Variants in NOX4 observed in about 807,000 individuals in gnomAD.
The protein encoded by NOX4 is NADPH oxidase 4, also known as kidney oxidase-1.
In NOX4, 69 loss-of-function variants were observed where a neutral mutation model predicts 87.6. That is an observed-to-expected ratio of 0.79 (90% CI 0.65 to 0.96). The LOEUF (loss-of-function observed/expected upper bound fraction) is 0.96, where lower values mean the gene tolerates loss of function less well. Ranked by LOEUF, NOX4 falls within the 40% of genes least tolerant of loss-of-function variation. The pLI is 0.00. For missense variants in NOX4, 680 were observed against 681.5 expected (o/e 1.00, Z 0.02); for synonymous variants, 275 against 238.2 (o/e 1.15, Z -1.42).
intron 11 of NOX4, among the ~76,000 whole-genome samples, chr11:89,396,324 G>C (rs1035865925): frequency 6.6e-6 from 1 of 152,094 alleles, no homozygotes; most frequent in African/African-American, 2.4e-5. Flanking sequence ...TTGGTGTATA[G>C]GAATGTTTAT....
intron 12 of NOX4, among the ~76,000 whole-genome samples, chr11:89,366,931 A>T (rs1939045980): frequency 1.3e-5 from 2 of 152,090 alleles, no homozygotes; most frequent in Admixed American, 1.3e-4. Flanking sequence ...ACCAAGGGAA[A>T]AACAATTTAT....
chr11:89,461,419 C>T (rs554568586), intron 2 of NOX4, among the ~76,000 whole-genome samples: 16 of 151,854 alleles, frequency 1.1e-4, no homozygotes, highest in Non-Finnish European at 2.1e-4. Context: ...CTAAGGCTGG[C>T]GGATCATGAG....
At chr11:89,481,567 A>T (rs534662011) in intron 2 of NOX4, among the ~76,000 whole-genome samples, 1 of 152,222 alleles carries the variant, frequency 6.6e-6, no homozygotes, top group Non-Finnish European at 1.5e-5. Context: ...TCATATCCAT[A>T]TGGCTCCAAA....
the NOX4 span, chr11:89,577,681 T>A: frequency 6.6e-6 from 1 of 152,216 alleles, no homozygotes; most frequent in African/African-American, 2.4e-5. Context: ...AACTTTTTTC[T>A]ATTCTGCAAC....
chr11:89,336,592 G>A (rs1233404273), intron 16 of NOX4, among the ~76,000 whole-genome samples: 1 of 152,008 alleles, frequency 6.6e-6, no homozygotes, highest in African/African-American at 2.4e-5. Flanking sequence ...AATGTGAAGA[G>A]TCAGAGTGAA....
At chr11:89,380,828 A>G (rs1438234461) in intron 11 of NOX4, among the ~76,000 whole-genome samples, 1 of 152,160 alleles carries the variant, frequency 6.6e-6, no homozygotes, top group Non-Finnish European at 1.5e-5. Context: ...TATGGTTAAG[A>G]TAACATTGTC....
chr11:89,568,578 A>C, the NOX4 span, among the ~76,000 whole-genome samples: 3 of 152,240 alleles, frequency 2.0e-5, no homozygotes, highest in African/African-American at 7.2e-5. Context: ...TGTAGGAAGA[A>C]TCAATATTGT....
intron 6 of NOX4, among the ~76,000 whole-genome samples, chr11:89,433,433 C>A (rs190360624): frequency 6.6e-6 from 1 of 152,072 alleles, no homozygotes; most frequent in Admixed American, 6.6e-5. Context: ...TGCAACAGGA[C>A]AGGGTTAACT....
chr11:89,383,928 T>C (rs559459307), intron 11 of NOX4, among the ~76,000 whole-genome samples: 1 of 151,954 alleles, frequency 6.6e-6, no homozygotes. Context: ...CCCCTTACCA[T>C]CCCATTAAAA....
At chr11:89,583,352 G>A in the NOX4 span, among the ~76,000 whole-genome samples, 22 of 152,258 alleles carry the variant, frequency 1.4e-4, no homozygotes, top group African/African-American at 5.3e-4. Flanking sequence ...GACTGTCAGT[G>A]TTGGAAGAGA....
At chr11:89,393,468 G>A (rs1045702203) in intron 11 of NOX4, among the ~76,000 whole-genome samples, 9 of 151,842 alleles carry the variant, frequency 5.9e-5, no homozygotes, top group African/African-American at 1.9e-4. Context: ...TCACCCACAC[G>A]ACAGATTTTC....
the NOX4 span, chr11:89,545,362 A>C: frequency 6.6e-6 from 1 of 152,180 alleles, no homozygotes; most frequent in Non-Finnish European, 1.5e-5. Flanking sequence ...TCTGGTTTTT[A>C]ATTTAGAAAC....
chr11:89,383,381 C>T (rs541043405), intron 11 of NOX4, among the ~76,000 whole-genome samples: 8 of 152,326 alleles, frequency 5.3e-5, no homozygotes, highest in African/African-American at 1.9e-4. Context: ...GCAGCTACTC[C>T]CAGAGCCCCT....
chr11:89,571,732 G>A, the NOX4 span, among the ~76,000 whole-genome samples: 8 of 148,976 alleles, frequency 5.4e-5, no homozygotes, highest in South Asian at 2.1e-4. Flanking sequence ...AAATTACTAA[G>A]CCAAGGGAAA....
At chr11:89,462,506 A>G (rs1007441844) in intron 2 of NOX4, among the ~76,000 whole-genome samples, 5 of 152,114 alleles carry the variant, frequency 3.3e-5, no homozygotes, top group Non-Finnish European at 7.4e-5. Flanking sequence ...TTGTGTATAG[A>G]TAGATAAACT....
intron 12 of NOX4, among the ~76,000 whole-genome samples, chr11:89,365,058 T>C (rs1256714280): frequency 6.6e-6 from 1 of 152,204 alleles, no homozygotes; most frequent in East Asian, 1.9e-4. Context: ...CCTCCCTCCT[T>C]TTACTTTCTT....
chr11:89,455,513 T>A (rs1227724230), intron 2 of NOX4, among the ~76,000 whole-genome samples: 3 of 152,096 alleles, frequency 2.0e-5, no homozygotes, highest in Non-Finnish European at 4.4e-5. Context: ...TTGAGCTGAA[T>A]TTTTAAACAC....
chr11:89,403,811 A>G (rs1207282552), intron 8 of NOX4, among the ~76,000 whole-genome samples: 1 of 152,188 alleles, frequency 6.6e-6, no homozygotes, highest in Non-Finnish European at 1.5e-5. Flanking sequence ...CTGTATAATG[A>G]TACTAAGAGA....
At chr11:89,386,709 T>A (rs1299224870) in intron 11 of NOX4, among the ~76,000 whole-genome samples, 4 of 152,112 alleles carry the variant, frequency 2.6e-5, no homozygotes, top group Non-Finnish European at 4.4e-5. Flanking sequence ...ATGAAGAGTG[T>A]TGTTTTTACC....
Sources: gnomAD v4.1 joint callset for allele counts (sites outside exome capture counted in the v4.1 genomes callset) on GRCh38, gnomAD v4.1.1 for gene constraint, MANE v1.5 for transcripts, NCBI Gene and HGNC (gene_info 2026-07-23, HGNC 2026-07-21) for gene names.